Variants in CPXM2 observed in about 807,000 individuals in gnomAD.
The protein encoded by CPXM2 is inactive carboxypeptidase-like protein X2.
In CPXM2, 66 loss-of-function variants were observed where a neutral mutation model predicts 86.1. The observed-to-expected ratio is 0.77, with a 90% CI of 0.63 to 0.94. The LOEUF (loss-of-function observed/expected upper bound fraction) is 0.94. Among genes scored for constraint, CPXM2 ranks in the 40% least tolerant of loss-of-function variants. CPXM2 has a pLI of 0.00. For synonymous variants in CPXM2, 388 were observed against 400.2 expected, an observed-to-expected ratio of 0.97 and a Z score of 0.36; for missense variants, 948 against 1,026.3, an observed-to-expected ratio of 0.92 and a Z score of 1.04.
upstream of CPXM2, among the ~76,000 whole-genome samples, chr10:123,942,008 C>T (rs934014894): frequency 6.6e-6 from 1 of 152,128 alleles, no homozygotes; most frequent in Non-Finnish European, 1.5e-5. Flanking sequence ...ATCTATGCAC[C>T]CCTCCAGGGT....
intron 3 of CPXM2, among the ~76,000 whole-genome samples, chr10:123,860,987 C>T (rs932467501): frequency 5.3e-5 from 8 of 152,226 alleles, no homozygotes; most frequent in Admixed American, 2.6e-4. Flanking sequence ...CTGTTTGATG[C>T]GGTGCAGTCT....
At chr10:123,900,954 GC>G (rs1945376487) in intron 2 of CPXM2, among the ~76,000 whole-genome samples, 1 of 152,046 alleles carries the variant, frequency 6.6e-6, no homozygotes, top group Admixed American at 6.6e-5. Flanking sequence ...TCTAGAGTCA[GC>G]CCACACTAAT....
intron 1 of CPXM2, among the ~76,000 whole-genome samples, chr10:123,881,258 C>G (rs1945087776): frequency 7.4e-6 from 1 of 135,496 alleles, no homozygotes; most frequent in African/African-American, 2.9e-5. Context: ...CTTCCCTTCC[C>G]TTCCCTTTAC....
intron 3 of CPXM2, among the ~76,000 whole-genome samples, chr10:123,857,578 AGATGGAAGGCG>A (rs1848755614): frequency 8.0e-6 from 1 of 125,540 alleles, no homozygotes; most frequent in Non-Finnish European, 1.7e-5. Flanking sequence ...GGCGGCGTGG[AGATGGAAGGCG>A]GCGTGGAGAT....
intron 2 of CPXM2, among the ~76,000 whole-genome samples, chr10:123,928,961 A>G (rs1016822612): frequency 6.6e-6 from 1 of 152,220 alleles, no homozygotes; most frequent in African/African-American, 2.4e-5. Context: ...GCTTCCCCAG[A>G]AGATCCTGGG....
chr10:123,791,478 G>A (rs1847205555), intron 6 of CPXM2, among the ~76,000 whole-genome samples: 1 of 152,164 alleles, frequency 6.6e-6, no homozygotes, highest in African/African-American at 2.4e-5. Flanking sequence ...AAAAGCTCTA[G>A]GGGAGGATCC....
intron 4 of CPXM2, among the ~76,000 whole-genome samples, chr10:123,802,181 G>C (rs572154680): frequency 6.6e-6 from 1 of 152,312 alleles, no homozygotes; most frequent in South Asian, 2.1e-4. Flanking sequence ...CCTCTGCCAG[G>C]CAGTAGGGAG....
At chr10:123,906,499 C>G (rs1945442603) in intron 2 of CPXM2, among the ~76,000 whole-genome samples, 1 of 152,200 alleles carries the variant, frequency 6.6e-6, no homozygotes, top group African/African-American at 2.4e-5. Flanking sequence ...TAAATCATGT[C>G]AGCTTCACTC....
At position 123,801,032 on chromosome 10, in the gene CPXM2, A is replaced by T. The variant is rs554602458; in HGVS notation, c.654-1833T>A. Reference sequence around the variant, plus strand: ...CCAAGAAAGGTACTGCCATTCACCCAGGGAGACCAAAATCCCAGTGTTAGC... The same window carrying T: ...CCAAGAAAGGTACTGCCATTCACCCTGGGAGACCAAAATCCCAGTGTTAGC... On this transcript the variant is annotated intron_variant, in intron 4 of 13. Transcript: ENST00000241305. Among the ~76,000 whole-genome samples, 3 of 152,296 alleles carry T rather than the reference A, an allele frequency of 2.0e-5. No homozygotes were observed. The East Asian group carries it at 5.8e-4, about 29-fold the overall frequency.
intron 1 of CPXM2, among the ~76,000 whole-genome samples, chr10:123,884,838 C>T (rs777285042): frequency 2.2e-4 from 33 of 152,340 alleles, no homozygotes; most frequent in Admixed American, 5.9e-4. Context: ...AAGACCTGGC[C>T]TCAGATCTGG....
At chr10:123,755,653 T>G (rs17105936) in intron 12 of CPXM2, among the ~76,000 whole-genome samples, 2,901 of 152,316 alleles carry the variant, frequency 0.019, 82 homozygotes, top group African/African-American at 0.064. Context: ...AACCTTCCTA[T>G]AGATGACAAC....
chr10:123,759,402 T>C (rs1846284515), intron 11 of CPXM2, among the ~76,000 whole-genome samples: 2 of 152,216 alleles, frequency 1.3e-5, no homozygotes, highest in Admixed American at 6.5e-5. Context: ...TTTTGCAATA[T>C]GTGTCTTCAG....
intron 2 of CPXM2, 65 bp downstream of exon 2, chr10:123,880,146 A>AGCCC: frequency 4.2e-6 from 1 of 240,424 alleles, no homozygotes; most frequent in Non-Finnish European, 8.6e-6. Flanking sequence ...AGGGGCCTGT[A>AGCCC]CCCACCCACC....
At chr10:123,914,825 T>C (rs28708450) in intron 2 of CPXM2, among the ~76,000 whole-genome samples, 53,484 of 152,050 alleles carry the variant, frequency 0.35, 9,805 homozygotes, top group Middle Eastern at 0.55. Flanking sequence ...CTCCATGCTC[T>C]CTCTTTCTCC....
intron 4 of CPXM2, among the ~76,000 whole-genome samples, chr10:123,810,368 C>A (rs750286484): frequency 1.3e-5 from 2 of 151,834 alleles, no homozygotes; most frequent in African/African-American, 4.8e-5. Context: ...CAAAAATATA[C>A]AAGATTTTAA....
At chr10:123,872,453 A>C (rs1415466886) in intron 2 of CPXM2, among the ~76,000 whole-genome samples, 6 of 152,228 alleles carry the variant, frequency 3.9e-5, no homozygotes. Context: ...TGATCTGATG[A>C]ATATTAAGTT....
intron 4 of CPXM2, among the ~76,000 whole-genome samples, chr10:123,805,513 CT>C (rs1847559493): frequency 6.6e-6 from 1 of 152,062 alleles, no homozygotes; most frequent in Non-Finnish European, 1.5e-5. Context: ...TTTCCAGTTA[CT>C]TTTTTATTAC....
At chr10:123,847,097 T>G (rs1848509684) in intron 3 of CPXM2, among the ~76,000 whole-genome samples, 1 of 152,176 alleles carries the variant, frequency 6.6e-6, no homozygotes, top group African/African-American at 2.4e-5. Flanking sequence ...TGAGCTACAA[T>G]TTTATTGGAA....
chr10:123,784,313 C>T lies in CPXM2; in HGVS notation c.890-4058G>A, dbSNP rs1253581716. Among the ~76,000 whole-genome samples the T allele has an allele frequency of 5.3e-5, 8 of 152,140 alleles. 1 individual carries two copies. The highest frequency in any genetic ancestry group is 5.2e-4 in the Admixed American group (8 of 15,284). ...CCTGGAACAAATTCTCCCTGACAGC[C>T]CCAGAAGAAACCAGCCCTGTTGACA... On this transcript the variant is annotated intron_variant, in intron 6 of 13. Transcript: ENST00000241305.
Sources: allele counts gnomAD v4.1 joint callset (sites outside exome capture counted in the v4.1 genomes callset), GRCh38; gene constraint gnomAD v4.1.1; transcripts MANE v1.5; gene names NCBI Gene and HGNC (gene_info 2026-07-23, HGNC 2026-07-21).